The following GRIK1 variants were observed in gnomAD, a reference collection of about 807,000 sequenced individuals.
The protein encoded by GRIK1 is glutamate receptor ionotropic, kainate 1.
Under a neutral mutation model 105.7 loss-of-function variants are expected in GRIK1, and 69 were observed. That is an observed-to-expected ratio of 0.65 (90% confidence interval 0.54 to 0.80). The LOEUF is 0.80. Among genes scored for constraint, GRIK1 ranks in the 30% least tolerant of loss-of-function variants. The probability of loss-of-function intolerance (pLI) is 0.00; values close to 1 mark genes in which losing one functional copy is unlikely to be tolerated. For missense variants in GRIK1, 1,109 were observed against 1,167.3 expected, an observed-to-expected ratio of 0.95 and a Z score of 0.73; for synonymous variants, 438 against 431.3, an observed-to-expected ratio of 1.02 and a Z score of -0.19.
chr21:29,680,010 G>A (rs923018487), intron 3 of GRIK1, among the ~76,000 whole-genome samples: 3 of 152,130 alleles, frequency 2.0e-5, no homozygotes, highest in Non-Finnish European at 2.9e-5. Flanking sequence ...GAATATGCTC[G>A]CTATCTTCCA....
intron 4 of GRIK1, among the ~76,000 whole-genome samples, chr21:29,661,786 G>A (rs2062968342): frequency 6.6e-6 from 1 of 152,112 alleles, no homozygotes; most frequent in Admixed American, 6.5e-5. Context: ...TCCAGCTTTG[G>A]TAACGTCAAA....
rs2061326418 is a variant in GRIK1, at chr21:29,591,103, T to C, written c.1365+9A>G. 1 of 1,449,840 alleles carries C rather than the reference T, an allele frequency of 6.9e-7. No homozygotes were observed. The highest frequency in any genetic ancestry group is 9.7e-7 in the Non-Finnish European group (1 of 1,029,736). 89.8% of individuals were successfully genotyped at this position (1,449,840 alleles called of 1,614,324 possible). Reference sequence around the variant, plus strand: ...ATAAGACACCCTCAATTCCATGAAGTCAACTTACCAGAATGGTGGTGACAA... The same window carrying C: ...ATAAGACACCCTCAATTCCATGAAGCCAACTTACCAGAATGGTGGTGACAA... On this transcript the variant is annotated intron_variant, in intron 10 of 17. Coordinates refer to ENST00000327783, the MANE Select transcript of GRIK1 (RefSeq NM_001330994.2).
chr21:29,866,129 C>T (rs985085530), intron 1 of GRIK1, among the ~76,000 whole-genome samples: 4 of 151,948 alleles, frequency 2.6e-5, no homozygotes, highest in Admixed American at 1.3e-4. Flanking sequence ...TTCAGTGGCA[C>T]AATCACTTTT....
At chr21:29,680,952 G>T (rs2063361901) in intron 3 of GRIK1, among the ~76,000 whole-genome samples, 1 of 152,162 alleles carries the variant, frequency 6.6e-6, no homozygotes, top group Admixed American at 6.5e-5. Flanking sequence ...GACCGACATA[G>T]TGAAACCCAG....
intron 1 of GRIK1, among the ~76,000 whole-genome samples, chr21:29,899,088 T>C (rs2070290534): frequency 6.6e-6 from 1 of 152,240 alleles, no homozygotes; most frequent in African/African-American, 2.4e-5. Context: ...ACTGGCCTTC[T>C]TTTTAAATGA....
intron 1 of GRIK1, among the ~76,000 whole-genome samples, chr21:29,819,114 A>G (rs779722257): frequency 1.3e-5 from 2 of 152,148 alleles, no homozygotes; most frequent in Non-Finnish European, 2.9e-5. Context: ...CTATGCTTAC[A>G]TTATTAATGG....
At chr21:29,554,443 A>G (rs2090196765) in intron 16 of GRIK1, among the ~76,000 whole-genome samples, 1 of 152,196 alleles carries the variant, frequency 6.6e-6, no homozygotes, top group African/African-American at 2.4e-5. Flanking sequence ...ATGGTCAACT[A>G]CTAAAGTTGT....
At chr21:29,775,871 C>T (rs2065931418) in intron 1 of GRIK1, among the ~76,000 whole-genome samples, 1 of 152,164 alleles carries the variant, frequency 6.6e-6, no homozygotes, top group Non-Finnish European at 1.5e-5. Context: ...TTTATACTTA[C>T]TTTGTATTAG....
At position 29,785,903 on chromosome 21, in the gene GRIK1, G is replaced by T. The variant is rs368197298; in HGVS notation, c.119-91840C>A. ...GCCTATATTGCCTCTGTCAGTTTCTGGTAGCTCCAGGCATTGCTGGACTGT... is the reference window on the plus strand; with the variant it reads ...GCCTATATTGCCTCTGTCAGTTTCTTGTAGCTCCAGGCATTGCTGGACTGT... On this transcript the variant is annotated intron_variant, in intron 1 of 17. Coordinates refer to ENST00000327783, the MANE Select transcript of GRIK1 (RefSeq NM_001330994.2). Among the ~76,000 whole-genome samples the T allele has an allele frequency of 2.0e-4, 31 of 152,284 alleles. No homozygotes were observed. The East Asian group carries it at 6.0e-3, about 29-fold the overall frequency.
chr21:29,788,053 G>A (rs556031343), intron 1 of GRIK1, among the ~76,000 whole-genome samples: 24 of 152,124 alleles, frequency 1.6e-4, no homozygotes, highest in African/African-American at 4.8e-4. Flanking sequence ...TTGCTTCTTC[G>A]ATAATCTAAC....
At chr21:29,883,976 T>G (rs1306575301) in intron 1 of GRIK1, among the ~76,000 whole-genome samples, 2 of 151,978 alleles carry the variant, frequency 1.3e-5, no homozygotes, top group South Asian at 4.1e-4. Context: ...ACTCTGACTC[T>G]TCCTAAAAAG....
intron 1 of GRIK1, among the ~76,000 whole-genome samples, chr21:29,801,245 A>G (rs1053367295): frequency 6.6e-6 from 1 of 151,896 alleles, no homozygotes; most frequent in South Asian, 2.1e-4. Flanking sequence ...TTAGGTGGGT[A>G]CAAAAGTAAT....
intron 16 of GRIK1, among the ~76,000 whole-genome samples, chr21:29,550,922 A>T (rs1217237000): frequency 6.6e-6 from 1 of 152,222 alleles, no homozygotes; most frequent in Non-Finnish European, 1.5e-5. Context: ...TTCATTTTAC[A>T]AGTAAGAAAA....
In GRIK1 at chr21:29,625,050, A is replaced by G. The variant is rs142207294; in HGVS notation, c.1098+17776T>C. On this transcript the variant is annotated intron_variant, in intron 7 of 17. Coordinates refer to ENST00000327783, the MANE Select transcript of GRIK1 (RefSeq NM_001330994.2). The stretch of plus-strand genomic sequence containing the variant: ...TGTAGTCTGACATGTGGAGGGCACG[A>G]GGCCATGTTTATTTTGCCTTAAGTT... Among the ~76,000 whole-genome samples, 19 of 152,330 alleles carry G rather than the reference A, an allele frequency of 1.2e-4. No homozygotes were observed. The East Asian group carries it at 3.5e-3, about 28-fold the overall frequency.
At chr21:29,574,763 C>T (rs960320883) in intron 14 of GRIK1, among the ~76,000 whole-genome samples, 88 of 146,382 alleles carry the variant, frequency 6.0e-4, no homozygotes, top group African/African-American at 2.1e-3. Flanking sequence ...TCTCGGCTCA[C>T]TGCAAGCTCC....
At chr21:29,865,872 T>C (rs1203928001) in intron 1 of GRIK1, among the ~76,000 whole-genome samples, 1 of 152,208 alleles carries the variant, frequency 6.6e-6, no homozygotes, top group Non-Finnish European at 1.5e-5. Flanking sequence ...TGTATAAAGA[T>C]CTTCACCATC....
chr21:29,857,167 A>G (rs1324165016), intron 1 of GRIK1, among the ~76,000 whole-genome samples: 1 of 152,208 alleles, frequency 6.6e-6, no homozygotes, highest in African/African-American at 2.4e-5. Flanking sequence ...GTGAGCATCA[A>G]AGTAACGTGG....
In GRIK1 at chr21:29,711,984, A is replaced by G. The variant is rs139050513; in HGVS notation, c.119-17921T>C. Among the ~76,000 whole-genome samples, 88 of 151,954 alleles carry G rather than the reference A, an allele frequency of 5.8e-4. 2 individuals are homozygous for G. In the East Asian group the frequency reaches 0.016, roughly 28 times the overall value. ...AATTCTAGTACCTAGAGAGTTACTG[A>G]TATCAAGATTTGGGTGTATTTTCTT... is the stretch of plus-strand genomic sequence containing the variant. On this transcript the variant is annotated intron_variant, in intron 1 of 17. Transcript: ENST00000327783.
chr21:29,773,234 C>T (rs1310987842), intron 1 of GRIK1, among the ~76,000 whole-genome samples: 1 of 152,176 alleles, frequency 6.6e-6, no homozygotes, highest in African/African-American at 2.4e-5. Context: ...GAACATTCTG[C>T]AAGCGAGAGG....
Sources: allele counts gnomAD v4.1 joint callset (sites outside exome capture counted in the v4.1 genomes callset), GRCh38; gene constraint gnomAD v4.1.1; transcripts MANE v1.5; gene names NCBI Gene and HGNC (gene_info 2026-07-23, HGNC 2026-07-21).